CACNA1D: variants seen among roughly 807,000 people sequenced by gnomAD.
The protein encoded by CACNA1D is voltage-dependent L-type calcium channel subunit alpha-1D.
CACNA1D carries 55 observed loss-of-function variants against 257.1 expected under a neutral mutation model. The observed-to-expected ratio is 0.21, with a 90% CI of 0.17 to 0.27. The LOEUF is 0.27. Among genes scored for constraint, CACNA1D ranks in the 10% least tolerant of loss-of-function variants. The pLI is 1.00. For missense variants in CACNA1D, 1,876 were observed against 2,784.0 expected (o/e 0.67, Z 7.34); for synonymous variants, 980 against 1,014.9 (o/e 0.97, Z 0.65).
intron 1 of CACNA1D, among the ~76,000 whole-genome samples, chr3:53,496,540 T>C (rs922657612): frequency 2.6e-5 from 4 of 152,210 alleles, no homozygotes; most frequent in African/African-American, 9.7e-5. Context: ...GCATCATGAA[T>C]TTTCATTTGC....
chr3:53,714,349 C>T (rs1055172175), intron 9 of CACNA1D, among the ~76,000 whole-genome samples: 6 of 152,202 alleles, frequency 3.9e-5, no homozygotes, highest in African/African-American at 1.4e-4. Flanking sequence ...ACAAGGCCAT[C>T]ACCTAAATGG....
At position 53,727,012 on chromosome 3, in the gene CACNA1D, C is replaced by T. The variant is rs1186839751; in HGVS notation, c.2221+13C>T. On this transcript the variant is annotated intron_variant, in intron 15 of 47. Coordinates refer to ENST00000350061, the MANE Select transcript of CACNA1D (RefSeq NM_001128840.3). ...ATTTGTGGTAACTGTATCCTTCAAG[C>T]CGACCAGGCTTTGTTGTTGCCGTCG... The T allele has an allele frequency of 6.2e-7, 1 of 1,613,980 alleles. No individual in the cohort carries two copies. The highest frequency in any genetic ancestry group is 1.3e-5 in the African/African-American group (1 of 74,940).
chr3:53,744,438 A>G (rs989935189), intron 22 of CACNA1D, among the ~76,000 whole-genome samples: 1 of 152,188 alleles, frequency 6.6e-6, no homozygotes, highest in Non-Finnish European at 1.5e-5. Context: ...GCCAGCTACT[A>G]CCTAGTATTT....
chr3:53,496,719 T>G (rs999291612), intron 1 of CACNA1D, among the ~76,000 whole-genome samples: 2 of 151,248 alleles, frequency 1.3e-5, no homozygotes, highest in Non-Finnish European at 3.0e-5. Flanking sequence ...TGGTACTGCC[T>G]TTTTTTTTCC....
Position 53,800,378 on chromosome 3 carries a change from C to T in CACNA1D, c.5040+13C>T, listed in dbSNP as rs557522391. On this transcript the variant is annotated intron_variant, in intron 41 of 47. Transcript: ENST00000350061. The surrounding 1 kb of genome is among the most constrained non-coding windows in gnomAD (Gnocchi z 4.3). ...TGATGTGTTCAAAGTAATTATTCCA[C>T]GCCTAGCTACACACTGGCCATCTGG... 4.0e-5 allele frequency: 60 copies of T among 1,513,354 alleles called. No homozygotes were observed. Among genetic ancestry groups the T allele is most frequent in the African/African-American group, 2.5e-4 (18 of 73,136 alleles). The allele number at this position is 1,513,354 out of a possible 1,614,324, so 93.7% of individuals were successfully genotyped here.
intron 3 of CACNA1D, among the ~76,000 whole-genome samples, chr3:53,595,885 G>T (rs116449961): frequency 3.4e-4 from 52 of 152,288 alleles, no homozygotes; most frequent in African/African-American, 1.2e-3. Context: ...AGACAGATGG[G>T]CAGGGCAGGA....
chr3:53,556,130 A>G (rs990611453), intron 3 of CACNA1D, among the ~76,000 whole-genome samples: 10 of 152,100 alleles, frequency 6.6e-5, no homozygotes, highest in African/African-American at 2.2e-4. Flanking sequence ...GTTCTTTTTT[A>G]TTGCTGAGTA....
intron 3 of CACNA1D, among the ~76,000 whole-genome samples, chr3:53,564,807 A>T (rs1308441224): frequency 6.6e-6 from 1 of 152,202 alleles, no homozygotes; most frequent in African/African-American, 2.4e-5. Context: ...TTTCAAGGTC[A>T]CTCAGGTAGT....
chr3:53,741,646 T>C (rs1576523171), intron 21 of CACNA1D, among the ~76,000 whole-genome samples: 1 of 152,140 alleles, frequency 6.6e-6, no homozygotes, highest in African/African-American at 2.4e-5. Flanking sequence ...CCAGCTCTTG[T>C]TGATGAGGCC....
At chr3:53,691,746 TATAATATATATTACATATAA>T (rs2094523660) in intron 8 of CACNA1D, among the ~76,000 whole-genome samples, 1 of 111,028 alleles carries the variant, frequency 9.0e-6, no homozygotes, top group Non-Finnish European at 1.7e-5. Flanking sequence ...ATATTACATA[TATAATATATATTACATATAA>T]TATATATATT....
chr3:53,654,864 A>G (rs1341345279), intron 4 of CACNA1D, among the ~76,000 whole-genome samples: 1 of 152,226 alleles, frequency 6.6e-6, no homozygotes, highest in Non-Finnish European at 1.5e-5. Context: ...TGGAATTTAA[A>G]AAAAACCCCT....
At chr3:53,501,098 G>C (rs188160807) in intron 2 of CACNA1D, among the ~76,000 whole-genome samples, 2 of 152,316 alleles carry the variant, frequency 1.3e-5, no homozygotes, top group Admixed American at 1.3e-4. Context: ...AGAATGAGAA[G>C]GTCCTGGTGG....
chr3:53,692,807 C>CA lies in CACNA1D; in HGVS notation c.1221-9833dup, dbSNP rs1559524850. ...GCACAGTGGCTCACGCCTGTTTTCC[C>CA]AGCACTATGGGAGGCTGAGGCGGGT... On this transcript the variant is annotated intron_variant, in intron 8 of 47. Coordinates refer to ENST00000350061, the MANE Select transcript of CACNA1D (RefSeq NM_001128840.3). 2.0e-5 allele frequency among the ~76,000 whole-genome samples: 3 copies of CA among 152,350 alleles called. No individual in the cohort carries two copies. In the East Asian group the frequency reaches 5.8e-4, roughly 29 times the overall value.
Position 53,674,538 on chromosome 3 carries a change from C to T in CACNA1D, c.1220+1412C>T, listed in dbSNP as rs143903301. 3.0e-3 allele frequency among the ~76,000 whole-genome samples: 450 copies of T among 152,336 alleles called. 1 individual carries two copies. The highest frequency in any genetic ancestry group is 5.1e-3 in the Non-Finnish European group (348 of 68,034). Reference sequence around the variant, plus strand: ...TTATCACTTCCTCTCTATGGATTGACTCTCCATAAAGAGGGTGCAACAGAT... The same window carrying T: ...TTATCACTTCCTCTCTATGGATTGATTCTCCATAAAGAGGGTGCAACAGAT... On this transcript the variant is annotated intron_variant, in intron 8 of 47. Coordinates refer to ENST00000350061, the MANE Select transcript of CACNA1D (RefSeq NM_001128840.3).
chr3:53,701,855 A>G (rs1018032905), intron 8 of CACNA1D, among the ~76,000 whole-genome samples: 2 of 152,198 alleles, frequency 1.3e-5, no homozygotes, highest in Admixed American at 1.3e-4. Context: ...GGGAACATTT[A>G]CCTGTCTGCC....
At chr3:53,731,278 C>T in intron 17 of CACNA1D, 132 bp downstream of exon 17, 1 of 717,690 alleles carries the variant, frequency 1.4e-6, no homozygotes, top group Admixed American at 2.1e-5. Flanking sequence ...GAATATGGCA[C>T]ACCATATAGA....
chr3:53,517,491 T>C (rs555286363), intron 3 of CACNA1D, among the ~76,000 whole-genome samples: 21 of 151,368 alleles, frequency 1.4e-4, no homozygotes, highest in Non-Finnish European at 2.8e-4. Flanking sequence ...TTCTTTCTTT[T>C]TTTTTTTTTT....
intron 3 of CACNA1D, among the ~76,000 whole-genome samples, chr3:53,558,638 G>A (rs1053023777): frequency 1.3e-5 from 2 of 152,130 alleles, no homozygotes; most frequent in African/African-American, 2.4e-5. Flanking sequence ...GCTAGGTAAA[G>A]GATTATAGAT....
rs2095387558 is a variant in CACNA1D at position 53,774,762 on chromosome 3, T to A, written c.4202+84T>A. 2.5e-6 allele frequency: 2 copies of A among 792,178 alleles called. No individual in the cohort carries two copies. The highest frequency in any genetic ancestry group is 4.5e-6 in the Non-Finnish European group (2 of 440,868). The allele number at this position is 792,178 out of a possible 1,614,324, so 49.1% of individuals were successfully genotyped here. ...CAGAGGGACGGAGGACACAGGTTAT[T>A]AAAGCAGTGTGCCTTTCTCAGTTGA... On this transcript the variant is annotated intron_variant, in intron 34 of 47. Transcript: ENST00000350061. This position sits in a 1 kb window ranked among gnomAD's most constrained non-coding sequence, Gnocchi z 4.3.
Sources: allele counts gnomAD v4.1 joint callset (sites outside exome capture counted in the v4.1 genomes callset), GRCh38; gene constraint gnomAD v4.1.1; non-coding constraint Gnocchi (gnomAD v3.1); transcripts MANE v1.5; gene names NCBI Gene and HGNC (gene_info 2026-07-23, HGNC 2026-07-21).